The following LSM14A variants were observed in gnomAD, a reference collection of about 807,000 sequenced individuals.
The protein encoded by LSM14A is protein LSM14 homolog A.
A neutral mutation model predicts 52.4 loss-of-function variants in LSM14A; 14 were observed. The observed-to-expected ratio is 0.27, with a 90% CI of 0.18 to 0.42. The LOEUF (loss-of-function observed/expected upper bound fraction) is 0.42. LSM14A is among the 10% of genes least tolerant of loss of function. LSM14A has a pLI of 1.00. For synonymous variants in LSM14A, 185 were observed against 200.3 expected (o/e 0.92, Z 0.64); for missense variants, 417 against 581.8 (o/e 0.72, Z 2.91).
chr19:34,196,869 CT>C (rs1208396638), intron 3 of LSM14A, 106 bp downstream of exon 3: 1 of 949,708 alleles, frequency 1.1e-6, no homozygotes, highest in African/African-American at 1.7e-5. Context: ...TTTGATGTTC[CT>C]TTTGTAACTT....
At chr19:34,226,756 T>G (rs1169614087) in intron 9 of LSM14A, among the ~76,000 whole-genome samples, 2 of 152,192 alleles carry the variant, frequency 1.3e-5, no homozygotes, top group African/African-American at 4.8e-5. Flanking sequence ...GCCTTTAGTT[T>G]AGGGTCAGTC....
chr19:34,215,489 A>G lies in LSM14A; in HGVS notation c.716-107A>G, dbSNP rs1268147029. The G allele has an allele frequency of 4.3e-6, 5 of 1,157,356 alleles. No homozygotes were observed. In the African/African-American group the frequency reaches 6.2e-5, roughly 14 times the overall value. The allele number at this position is 1,157,356 out of a possible 1,614,324, so 71.7% of individuals were successfully genotyped here. A position where few individuals can be genotyped will look rare whatever the true frequency, so the allele number is the denominator to read the frequency against. ...GGGTATAGTTTTTTGGGCATTGCAC[A>G]GGCTTTGTTTTGGGTTTTTTGGTTT... On this transcript the variant is annotated intron_variant, in intron 5 of 9. Transcript: ENST00000544216.
chr19:34,173,635 G>C (rs1179834042), intron 1 of LSM14A, among the ~76,000 whole-genome samples: 1 of 152,110 alleles, frequency 6.6e-6, no homozygotes, highest in Non-Finnish European at 1.5e-5. Flanking sequence ...ACACGTGCAG[G>C]GCCTTTGCTC....
At position 34,192,313 on chromosome 19, in the gene LSM14A, T is replaced by TTTGTTG. The variant is rs1277579230; in HGVS notation, c.122-2162_122-2157dup. 4.7e-3 allele frequency among the ~76,000 whole-genome samples: 472 copies of TTTGTTG among 100,232 alleles called. 18 individuals carry two copies. Among genetic ancestry groups the TTTGTTG allele is most frequent in the African/African-American group, 0.011 (301 of 26,290 alleles). 65.8% of individuals were successfully genotyped at this position (100,232 alleles called of 152,430 possible). A position where few individuals can be genotyped will look rare whatever the true frequency, so the allele number is the denominator to read the frequency against. ...TTATTTACACTGAAATAACATTCTT[T>TTTGTTG]TTGTTGTTTTTTTTTTTTTTTTTTT... On this transcript the variant is annotated intron_variant, in intron 1 of 9. Coordinates refer to ENST00000544216, the MANE Select transcript of LSM14A (RefSeq NM_015578.4).
chr19:34,182,464 G>A (rs954267254), intron 1 of LSM14A, among the ~76,000 whole-genome samples: 1 of 151,810 alleles, frequency 6.6e-6, no homozygotes, highest in Non-Finnish European at 1.5e-5. Flanking sequence ...TGATCACACT[G>A]GTTTGTTGTT....
intron 6 of LSM14A, among the ~76,000 whole-genome samples, chr19:34,217,395 AATC>A (rs1242746360): frequency 6.6e-6 from 1 of 151,662 alleles, no homozygotes; most frequent in African/African-American, 2.4e-5. Flanking sequence ...AACATTCTAA[AATC>A]ATTCATTTTA....
intron 1 of LSM14A, among the ~76,000 whole-genome samples, chr19:34,174,730 A>C (rs866513544): frequency 7.9e-5 from 12 of 152,164 alleles, no homozygotes; most frequent in South Asian, 4.1e-4. Context: ...GCCTCTCTTT[A>C]TGAAATTATG....
intron 1 of LSM14A, among the ~76,000 whole-genome samples, chr19:34,173,350 G>C (rs2145429133): frequency 6.6e-6 from 1 of 152,286 alleles, no homozygotes; most frequent in Admixed American, 6.5e-5. Flanking sequence ...TGTTAAACCG[G>C]AATCCTCAAA....
intron 1 of LSM14A, among the ~76,000 whole-genome samples, chr19:34,184,262 A>G (rs542233411): frequency 3.3e-5 from 5 of 152,084 alleles, no homozygotes; most frequent in Non-Finnish European, 5.9e-5. Flanking sequence ...CATGTTGGCC[A>G]GGCTGGTCTC....
intron 6 of LSM14A, among the ~76,000 whole-genome samples, chr19:34,218,352 T>C (rs1168109410): frequency 6.6e-6 from 1 of 152,168 alleles, no homozygotes; most frequent in Non-Finnish European, 1.5e-5. Context: ...AATTCTGGCT[T>C]GTGGCCGAGG....
intron 1 of LSM14A, among the ~76,000 whole-genome samples, chr19:34,192,906 G>A (rs2070554400): frequency 6.6e-6 from 1 of 151,884 alleles, no homozygotes; most frequent in African/African-American, 2.4e-5. Context: ...TTGAACCCAA[G>A]AGGCAGAGGT....
At chr19:34,192,010 C>A (rs1337861137) in intron 1 of LSM14A, among the ~76,000 whole-genome samples, 1 of 238 alleles carries the variant, frequency 4.2e-3, no homozygotes, top group Non-Finnish European at 0.025. Flanking sequence ...GTCAAAATTT[C>A]TCTGGGGGGC....
At chr19:34,215,902 G>A (rs906956730) in intron 6 of LSM14A, among the ~76,000 whole-genome samples, 3 of 152,074 alleles carry the variant, frequency 2.0e-5, no homozygotes, top group African/African-American at 7.2e-5. Flanking sequence ...CAAAAAATGA[G>A]TACATGTACA....
Position 34,220,280 on chromosome 19 carries a change from A to G in LSM14A, c.1136+403A>G, listed in dbSNP as rs115723011. Among the ~76,000 whole-genome samples the G allele has an allele frequency of 2.7e-3, 411 of 152,288 alleles. 3 individuals carry two copies. The highest frequency in any genetic ancestry group is 9.5e-3 in the African/African-American group (395 of 41,556). On this transcript the variant is annotated intron_variant, in intron 8 of 9. Coordinates refer to ENST00000544216, the MANE Select transcript of LSM14A (RefSeq NM_015578.4). ...GCCATAATTGATTTTTTAATGTTTT[A>G]TTTGCTAAAAGAAAATATATACTAA...
At chr19:34,201,764 T>G (rs1183522333) in intron 3 of LSM14A, among the ~76,000 whole-genome samples, 2 of 152,226 alleles carry the variant, frequency 1.3e-5, no homozygotes, top group East Asian at 3.8e-4. Flanking sequence ...TATTGCTATT[T>G]GATGAGAAAA....
chr19:34,190,817 CTTTT>C (rs1176363780), intron 1 of LSM14A, among the ~76,000 whole-genome samples: 1 of 151,812 alleles, frequency 6.6e-6, no homozygotes, highest in African/African-American at 2.4e-5. Context: ...TTAGATAACA[CTTTT>C]TTTGAGTTAT....
At chr19:34,221,786 A>G (rs774602853) in intron 9 of LSM14A, 48 bp downstream of exon 9, 45 of 1,568,016 alleles carry the variant, frequency 2.9e-5, no homozygotes, top group Non-Finnish European at 3.8e-5. Flanking sequence ...TGCATTTTAC[A>G]AGACTCAAAA....
At chr19:34,192,319 G>GTTTTTTTTTCTTTTTTTTTTTTTTT (rs2070457124) in intron 1 of LSM14A, among the ~76,000 whole-genome samples, 1 of 53,410 alleles carries the variant, frequency 1.9e-5, no homozygotes, top group Non-Finnish European at 3.3e-5. Context: ...TCTTTTTGTT[G>GTTTTTTTTTCTTTTTTTTTTTTTTT]TTTTTTTTTT....
At chr19:34,224,967 A>G (rs2145906723) in intron 9 of LSM14A, among the ~76,000 whole-genome samples, 1 of 152,182 alleles carries the variant, frequency 6.6e-6, no homozygotes, top group African/African-American at 2.4e-5. Flanking sequence ...CTTCCTTCCT[A>G]CACTGATTTC....
Sources: gnomAD v4.1 joint callset for allele counts (sites outside exome capture counted in the v4.1 genomes callset) on GRCh38, gnomAD v4.1.1 for gene constraint, MANE v1.5 for transcripts, NCBI Gene and HGNC (gene_info 2026-07-23, HGNC 2026-07-21) for gene names.